The following CD96 variants were observed in gnomAD, a reference collection of about 807,000 sequenced individuals.
CD96 encodes T-cell surface protein tactile.
CD96 carries 70 observed loss-of-function variants against 71.3 expected under a neutral mutation model. The ratio of observed to expected loss-of-function variants is 0.98; its 90% CI spans 0.81 to 1.20. The LOEUF (loss-of-function observed/expected upper bound fraction) is 1.20. Among genes scored for constraint, CD96 ranks in the 50% most tolerant of loss-of-function variants. CD96 has a pLI of 0.00. For synonymous variants in CD96, 248 were observed against 233.0 expected (o/e 1.06, Z -0.59); for missense variants, 742 against 677.5 (o/e 1.10, Z -1.06).
chr3:111,652,930 T>G (rs1167850552), downstream of CD96, among the ~76,000 whole-genome samples: 1 of 151,966 alleles, frequency 6.6e-6, no homozygotes, highest in Non-Finnish European at 1.5e-5. Flanking sequence ...TCCTAATCCC[T>G]AAAGTTTCAT....
intron 2 of CD96, among the ~76,000 whole-genome samples, chr3:111,564,103 C>A (rs1192078038): frequency 1.3e-5 from 2 of 152,136 alleles, no homozygotes; most frequent in Non-Finnish European, 2.9e-5. Flanking sequence ...TATGAACATG[C>A]TTAAAGTTGT....
At chr3:111,664,438 T>G (rs1022724489) in intron 14 of CD96, among the ~76,000 whole-genome samples, 2 of 152,214 alleles carry the variant, frequency 1.3e-5, no homozygotes, top group Non-Finnish European at 2.9e-5. Flanking sequence ...TGTTCTCACT[T>G]ATAAGTGGGA....
chr3:111,596,518 C>T (rs1937268936), intron 5 of CD96, among the ~76,000 whole-genome samples: 1 of 152,198 alleles, frequency 6.6e-6, no homozygotes, highest in Non-Finnish European at 1.5e-5. Context: ...AACACCCCCA[C>T]TTACTCCTGA....
At chr3:111,572,551 G>A (rs1453472120) in intron 3 of CD96, among the ~76,000 whole-genome samples, 1 of 152,054 alleles carries the variant, frequency 6.6e-6, no homozygotes, top group African/African-American at 2.4e-5. Context: ...TAAGCCTATT[G>A]TTCTTACAAA....
At chr3:111,611,440 T>C (rs771134753) in intron 8 of CD96, among the ~76,000 whole-genome samples, 5 of 152,160 alleles carry the variant, frequency 3.3e-5, no homozygotes, top group Non-Finnish European at 7.3e-5. Context: ...ATTCGGCAGT[T>C]GATAGGGGCA....
chr3:111,632,360 T>C (rs910435610), intron 10 of CD96, among the ~76,000 whole-genome samples: 3 of 151,388 alleles, frequency 2.0e-5, no homozygotes, highest in African/African-American at 7.3e-5. Context: ...GCCAGAAACA[T>C]GAAAAAAAAG....
chr3:111,636,852 ACCTGGAC>A (rs1379533904), intron 10 of CD96, among the ~76,000 whole-genome samples: 1 of 151,742 alleles, frequency 6.6e-6, no homozygotes, highest in Non-Finnish European at 1.5e-5. Context: ...GCCATAACAC[ACCTGGAC>A]CTTCATTCTC....
intron 10 of CD96, among the ~76,000 whole-genome samples, chr3:111,629,956 T>C (rs1213826447): frequency 6.6e-6 from 1 of 152,184 alleles, no homozygotes; most frequent in African/African-American, 2.4e-5. Context: ...CAAGAAGTTC[T>C]TTGAAACCAA....
chr3:111,638,544 C>A (rs925200233), intron 12 of CD96, among the ~76,000 whole-genome samples: 1 of 152,092 alleles, frequency 6.6e-6, no homozygotes, highest in Non-Finnish European at 1.5e-5. Context: ...AAAACATAGT[C>A]TGAGAAAGAA....
chr3:111,645,449 A>T (rs1325163111), intron 12 of CD96, among the ~76,000 whole-genome samples: 1 of 152,116 alleles, frequency 6.6e-6, no homozygotes, highest in Non-Finnish European at 1.5e-5. Context: ...GCTGCACCAT[A>T]ATCTCACAAA....
chr3:111,550,288 G>A (rs978009574), intron 2 of CD96, among the ~76,000 whole-genome samples: 1 of 152,140 alleles, frequency 6.6e-6, no homozygotes, highest in Non-Finnish European at 1.5e-5. Flanking sequence ...GGGAGAAGAG[G>A]AATGAGTGGG....
chr3:111,574,248 AC>A (rs1936121846), intron 3 of CD96, among the ~76,000 whole-genome samples: 1 of 152,196 alleles, frequency 6.6e-6, no homozygotes, highest in South Asian at 2.1e-4. Context: ...AGGAGGTTGA[AC>A]ATCCCAAGTC....
intron 2 of CD96, among the ~76,000 whole-genome samples, chr3:111,550,704 TC>T (rs1475749175): frequency 6.6e-6 from 1 of 152,072 alleles, no homozygotes; most frequent in Non-Finnish European, 1.5e-5. Context: ...AACAAAACCA[TC>T]TTCAGCTAGA....
intron 7 of CD96, among the ~76,000 whole-genome samples, chr3:111,606,406 CCAATCTTT>C (rs1394783081): frequency 6.6e-6 from 1 of 152,170 alleles, no homozygotes; most frequent in East Asian, 1.9e-4. Flanking sequence ...CTCAGACCTC[CCAATCTTT>C]ATCAGTGCCC....
At chr3:111,578,399 C>G (rs1936316828) in intron 3 of CD96, among the ~76,000 whole-genome samples, 1 of 152,198 alleles carries the variant, frequency 6.6e-6, no homozygotes, top group Non-Finnish European at 1.5e-5. Flanking sequence ...GAAGCTAACA[C>G]AAACACAGAA....
intron 6 of CD96, among the ~76,000 whole-genome samples, chr3:111,598,603 A>G (rs1937360118): frequency 1.3e-5 from 2 of 152,220 alleles, no homozygotes; most frequent in South Asian, 4.1e-4. Flanking sequence ...CAATTAACTT[A>G]GCACCGCTGC....
intron 5 of CD96, among the ~76,000 whole-genome samples, chr3:111,591,110 C>G (rs1016126002): frequency 4.7e-4 from 71 of 152,152 alleles, no homozygotes; most frequent in Admixed American, 6.5e-4. Flanking sequence ...AGCAGTGGCT[C>G]ACGCCTGTAA....
chr3:111,612,799 T>A (rs1231289563), intron 8 of CD96: 3 of 894,212 alleles, frequency 3.4e-6, no homozygotes, highest in Non-Finnish European at 1.3e-6. Context: ...ACACCTATGC[T>A]TATATTAATC....
intron 8 of CD96, among the ~76,000 whole-genome samples, chr3:111,616,126 G>T (rs964746044): frequency 1.3e-5 from 2 of 151,650 alleles, no homozygotes; most frequent in African/African-American, 4.9e-5. Flanking sequence ...TTTTAACACC[G>T]TCTATAAGTT....
Sources: allele counts gnomAD v4.1 joint callset (sites outside exome capture counted in the v4.1 genomes callset), GRCh38; gene constraint gnomAD v4.1.1; transcripts MANE v1.5; gene names NCBI Gene and HGNC (gene_info 2026-07-23, HGNC 2026-07-21).